Variants in ZNRF3 observed in about 807,000 individuals in gnomAD.
The protein encoded by ZNRF3 is zinc and ring finger 3.
ZNRF3 carries 23 observed loss-of-function variants against 72.5 expected under a neutral mutation model. The ratio of observed to expected loss-of-function variants is 0.32; its 90% CI spans 0.23 to 0.45. ZNRF3 has a LOEUF of 0.45. Ranked by LOEUF, ZNRF3 falls within the 20% of genes least tolerant of loss-of-function variation. The pLI is 1.00. For missense variants in ZNRF3, 1,169 were observed against 1,272.1 expected (o/e 0.92, Z 1.23); for synonymous variants, 610 against 545.3 (o/e 1.12, Z -1.65).
At chr22:28,933,212 C>G (rs1259629455) in intron 1 of ZNRF3, among the ~76,000 whole-genome samples, 1 of 152,226 alleles carries the variant, frequency 6.6e-6, no homozygotes, top group Non-Finnish European at 1.5e-5. Context: ...TCTCTTTCTT[C>G]TCCTTAACTT....
At chr22:28,904,784 A>ATCC (rs1175430928) in intron 1 of ZNRF3, among the ~76,000 whole-genome samples, 3 of 151,972 alleles carry the variant, frequency 2.0e-5, no homozygotes, top group African/African-American at 7.3e-5. Context: ...ACCTCTCTGT[A>ATCC]TCCTCCTGCC....
At chr22:29,003,015 T>A (rs552995308) in intron 2 of ZNRF3, among the ~76,000 whole-genome samples, 1 of 152,332 alleles carries the variant, frequency 6.6e-6, no homozygotes, top group South Asian at 2.1e-4. Context: ...TTCTATCACA[T>A]GAAATTCATC....
intron 2 of ZNRF3, among the ~76,000 whole-genome samples, chr22:29,038,146 T>A (rs943273919): frequency 3.3e-5 from 5 of 152,192 alleles, no homozygotes; most frequent in Non-Finnish European, 7.3e-5. Context: ...AAGATAGGAT[T>A]TCTGGTGGCC....
intron 1 of ZNRF3, among the ~76,000 whole-genome samples, chr22:28,966,540 G>GGAAGT (rs2035463154): frequency 6.6e-6 from 1 of 152,092 alleles, no homozygotes; most frequent in African/African-American, 2.4e-5. Flanking sequence ...GGGACAAGAT[G>GGAAGT]GACACAGAAG....
In ZNRF3 at chr22:28,883,804, G is replaced by A; in HGVS notation, c.38G>A (p.Gly13Asp). Residue 13 changes from glycine to aspartate, a missense_variant, in exon 1 of 9, where the codon GGC becomes GAC. Around this residue, in one of 2 missense-constraint regions of ZNRF3, gnomAD observed 386 missense variants for 540.7 expected, o/e 0.71. Coordinates refer to ENST00000544604, the MANE Select transcript of ZNRF3 (RefSeq NM_001206998.2). The surrounding 1 kb of genome is among the most constrained non-coding windows in gnomAD (Gnocchi z 5.5). ...PRSGGRPGAT[G>D]RRRRRLRRRP... is the part of the protein sequence containing the mutation. The stretch of plus-strand genomic sequence containing the variant: ...TCGGGCGGGCGCCCAGGGGCCACGG[G>A]CCGCCGCCGCCGCCGCCTGCGCCGC... The A allele has an allele frequency of 3.1e-6, 3 of 976,726 alleles. No homozygotes were observed. The highest frequency in any genetic ancestry group is 1.2e-6 in the Non-Finnish European group (1 of 825,800). 60.5% of individuals were successfully genotyped at this position (976,726 alleles called of 1,614,324 possible). A position where few individuals can be genotyped will look rare whatever the true frequency, so the allele number is the denominator to read the frequency against.
intron 1 of ZNRF3, among the ~76,000 whole-genome samples, chr22:28,960,295 T>G (rs2123802663): frequency 6.6e-6 from 1 of 152,308 alleles, no homozygotes; most frequent in African/African-American, 2.4e-5. Context: ...AATGTACAAA[T>G]CCTAAGTGTA....
At chr22:29,017,123 A>G (rs1244737385) in intron 2 of ZNRF3, among the ~76,000 whole-genome samples, 1 of 152,230 alleles carries the variant, frequency 6.6e-6, no homozygotes, top group African/African-American at 2.4e-5. Context: ...CCAAAAATGC[A>G]TTAGCCACAC....
intron 8 of ZNRF3, among the ~76,000 whole-genome samples, chr22:29,051,762 G>T (rs1193286387): frequency 6.6e-6 from 1 of 151,604 alleles, no homozygotes; most frequent in Admixed American, 6.6e-5. Context: ...AAAAAAATTA[G>T]CTGGGCGTAG....
rs1036582529 is a variant in ZNRF3 at position 29,056,964 on chromosome 22, C to G, written c.*3342C>G. On this transcript the variant is annotated 3_prime_UTR_variant, in exon 9 of 9. Coordinates refer to ENST00000544604, the MANE Select transcript of ZNRF3 (RefSeq NM_001206998.2). ...TGAGGTCTAAAAAATAATTACTAGT[C>G]GAGACTATTATTCTTTAAACAGAAC... 6.6e-6 allele frequency: 1 copy of G among 152,156 alleles called. No individual in the cohort carries two copies. Among genetic ancestry groups the G allele is most frequent in the Non-Finnish European group, 1.5e-5 (1 of 68,036 alleles). 9.4% of individuals were successfully genotyped at this position (152,156 alleles called of 1,614,324 possible). A position where few individuals can be genotyped will look rare whatever the true frequency, so the allele number is the denominator to read the frequency against.
intron 2 of ZNRF3, among the ~76,000 whole-genome samples, chr22:28,991,421 C>A (rs1183310763): frequency 6.6e-6 from 1 of 151,658 alleles, no homozygotes; most frequent in Non-Finnish European, 1.5e-5. Context: ...TCACAGAGAC[C>A]CAGCCTTGGC....
intron 2 of ZNRF3, among the ~76,000 whole-genome samples, chr22:29,004,516 C>T (rs900065615): frequency 1.3e-5 from 2 of 152,180 alleles, no homozygotes; most frequent in African/African-American, 4.8e-5. Context: ...ACCCGAAGCA[C>T]GCCAGTCTAG....
chr22:28,964,496 C>A (rs2035424404), intron 1 of ZNRF3, among the ~76,000 whole-genome samples: 1 of 152,194 alleles, frequency 6.6e-6, no homozygotes. Flanking sequence ...CGAGTGTATC[C>A]AGAGGCCATG....
At chr22:28,929,371 G>C (rs2034665216) in intron 1 of ZNRF3, among the ~76,000 whole-genome samples, 1 of 152,128 alleles carries the variant, frequency 6.6e-6, no homozygotes, top group Admixed American at 6.6e-5. Context: ...CCTGTCCTGT[G>C]CGTTGTAGGA....
intron 1 of ZNRF3, among the ~76,000 whole-genome samples, chr22:28,963,856 C>A (rs896033568): frequency 3.9e-5 from 6 of 152,132 alleles, no homozygotes; most frequent in African/African-American, 1.4e-4. Flanking sequence ...TTCATTAAAG[C>A]CACTCCCTAA....
At chr22:29,017,829 A>C (rs940656853) in intron 2 of ZNRF3, among the ~76,000 whole-genome samples, 10 of 152,196 alleles carry the variant, frequency 6.6e-5, no homozygotes, top group Non-Finnish European at 8.8e-5. Context: ...AGAGGAGCTC[A>C]CATAGAGGCT....
chr22:29,051,473 G>T (rs1237516313), intron 8 of ZNRF3, among the ~76,000 whole-genome samples: 1 of 152,034 alleles, frequency 6.6e-6, no homozygotes, highest in Non-Finnish European at 1.5e-5. Context: ...GGGTGGTGGC[G>T]GGTGCCTGTA....
At chr22:28,972,293 C>A (rs1240223279) in intron 1 of ZNRF3, among the ~76,000 whole-genome samples, 1 of 152,180 alleles carries the variant, frequency 6.6e-6, no homozygotes, top group African/African-American at 2.4e-5. Context: ...TCTTCTACCT[C>A]CCCAGTGCTA....
chr22:29,007,893 A>G (rs2036287643), intron 2 of ZNRF3, among the ~76,000 whole-genome samples: 1 of 150,942 alleles, frequency 6.6e-6, no homozygotes, highest in South Asian at 2.1e-4. Context: ...AGTAGCTAGG[A>G]TTACAGGCGT....
At chr22:29,007,501 G>A (rs1410665917) in intron 2 of ZNRF3, among the ~76,000 whole-genome samples, 1 of 151,732 alleles carries the variant, frequency 6.6e-6, no homozygotes, top group Non-Finnish European at 1.5e-5. Flanking sequence ...AAACTAGCTG[G>A]GCCTGGTGGC....
Sources: gnomAD v4.1 joint callset for allele counts (sites outside exome capture counted in the v4.1 genomes callset) on GRCh38, gnomAD v4.1.1 for gene constraint, gnomAD v4.1.1 regional missense constraint, Gnocchi (gnomAD v3.1) non-coding constraint, MANE v1.5 for transcripts, NCBI Gene and HGNC (gene_info 2026-07-23, HGNC 2026-07-21) for gene names.